The following ASB9 variants were observed in gnomAD, a reference collection of about 807,000 sequenced individuals.
ASB9 encodes the protein ankyrin repeat and SOCS box containing 9.
A neutral mutation model predicts 16.6 loss-of-function variants in ASB9; 5 were observed. The ratio of observed to expected loss-of-function variants is 0.30; its 90% CI spans 0.16 to 0.63. ASB9 has a LOEUF of 0.63. Ranked by LOEUF, ASB9 falls within the 30% of genes least tolerant of loss-of-function variation. The pLI is 0.82. For missense variants in ASB9, 216 were observed against 229.4 expected, an observed-to-expected ratio of 0.94 and a Z score of 0.38; for synonymous variants, 100 against 86.4, an observed-to-expected ratio of 1.16 and a Z score of -0.87.
chrX:15,244,948 A>C (rs1359625144), intron 6 of ASB9, among the ~76,000 whole-genome samples: 2 of 112,142 alleles, frequency 1.8e-5, no homozygotes, highest in African/African-American at 6.5e-5. Context: ...CAATAATACA[A>C]ATAAAATTTA....
At position 15,244,626 on chromosome X, in the gene ASB9, G is replaced by C. The variant is rs1443490993; in HGVS notation, c.765C>G (p.Pro255=). The change falls in exon 7 of 7, where the codon CCC becomes CCG. Residue 255 remains proline, a synonymous_variant. Transcript: ENST00000380488. ...LAQLFLEREG[P]PSLMQLCRLR... ...GGCGGCATAACTGCATCAAAGAAGG[G>C]GGCCCTGGAGAAAGATCATAAGACA... 4.2e-6 allele frequency: 5 copies of C among 1,200,947 alleles called. No homozygotes were observed. Among genetic ancestry groups the C allele is most frequent in the Non-Finnish European group, 5.6e-6 (5 of 889,809 alleles).
intron 6 of ASB9, among the ~76,000 whole-genome samples, chrX:15,246,075 A>T (rs1332418263): frequency 8.9e-6 from 1 of 111,829 alleles, no homozygotes; most frequent in Non-Finnish European, 1.9e-5. Context: ...AACCTCACTA[A>T]GGAATGTTGA....
At chrX:15,254,599 T>G in intron 3 of ASB9, 138 bp downstream of exon 3, 1 of 517,458 alleles carries the variant, frequency 1.9e-6, no homozygotes, top group Non-Finnish European at 3.4e-6. Flanking sequence ...ACAAGCCTGA[T>G]GAACATAATT....
upstream of ASB9, chrX:15,270,116 T>G: frequency 4.0e-6 from 1 of 247,508 alleles, no homozygotes; most frequent in Non-Finnish European, 6.8e-6. Context: ...ACACACGTTT[T>G]ACCTAACTGG....
At chrX:15,250,210 C>CATCATCA (rs758862010) in intron 5 of ASB9, among the ~76,000 whole-genome samples, 73 of 103,214 alleles carry the variant, frequency 7.1e-4, no homozygotes, top group African/African-American at 2.7e-3. Flanking sequence ...CATCATCATC[C>CATCATCA]TCCTCCTCCT....
Position 15,253,944 on chromosome X carries a change from C to T in ASB9, c.282+793G>A, listed in dbSNP as rs773946266. Among the ~76,000 whole-genome samples, 3 of 111,990 alleles carry T rather than the reference C, an allele frequency of 2.7e-5. No individual in the cohort carries two copies. The South Asian group carries it at 1.1e-3, about 42-fold the overall frequency. On this transcript the variant is annotated intron_variant, in intron 3 of 6. Transcript: ENST00000380488. ...TTAAGGACATATTCATTTTTGGAGT[C>T]ACACAAATAGTGCAGGACCCTGAGA...
At chrX:15,261,148 C>G (rs1925936645) in intron 1 of ASB9, among the ~76,000 whole-genome samples, 1 of 111,618 alleles carries the variant, frequency 9.0e-6, no homozygotes, top group South Asian at 3.8e-4. Flanking sequence ...GGCTTGGAAG[C>G]TAAAATTCGG....
chrX:15,256,709 C>T lies in ASB9; in HGVS notation c.175-1865G>A, dbSNP rs186155964. Among the ~76,000 whole-genome samples, 116 of 89,696 alleles carry T rather than the reference C, an allele frequency of 1.3e-3. 2 individuals are homozygous for T. The East Asian group carries it at 0.039, about 30-fold the overall frequency. The allele number at this position is 89,696 out of a possible 115,157, so 77.9% of individuals were successfully genotyped here. On this transcript the variant is annotated intron_variant, in intron 2 of 6. Coordinates refer to ENST00000380488, the MANE Select transcript of ASB9 (RefSeq NM_001031739.3). ...GGAGAATGGCGTGAACCCCAGGGGG[C>T]GGAGCCTGCAGTGAGCCGAGATGGC...
rs749749849 is a variant in ASB9, at chrX:15,244,722, T to C, written c.761-92A>G. ...AAAAAAAGCATCCAAGATAGAACAT[T>C]GTTATAAGGAAATAATATTGAACTA... On this transcript the variant is annotated intron_variant, in intron 6 of 6. Coordinates refer to ENST00000380488, the MANE Select transcript of ASB9 (RefSeq NM_001031739.3). 144 of 947,725 alleles carry C rather than the reference T, an allele frequency of 1.5e-4. No individual in the cohort carries two copies. The African/African-American group carries it at 2.2e-3, about 15-fold the overall frequency. 78.1% of individuals were successfully genotyped at this position (947,725 alleles called of 1,213,427 possible).
rs147980848 is a variant in ASB9, at chrX:15,251,743, C to A, written c.433+511G>T. On this transcript the variant is annotated intron_variant, in intron 4 of 6. Transcript: ENST00000380488. ...AAGAATTATCCCAAACTGTATGCAA[C>A]ATCAAATACTTTCAAAAATTGAAAG... is the stretch of plus-strand genomic sequence containing the variant. Among the ~76,000 whole-genome samples the A allele has an allele frequency of 3.9e-3, 435 of 112,575 alleles. 2 individuals carry two copies. Among genetic ancestry groups the A allele is most frequent in the African/African-American group, 0.012 (387 of 31,009 alleles).
intron 6 of ASB9, among the ~76,000 whole-genome samples, chrX:15,245,710 A>G (rs1485456100): frequency 9.0e-6 from 1 of 111,093 alleles, no homozygotes; most frequent in African/African-American, 3.3e-5. Context: ...GGATTTTCTA[A>G]AGGCATGTGC....
chrX:15,253,555 G>A (rs543473674), intron 3 of ASB9, among the ~76,000 whole-genome samples: 46 of 106,919 alleles, frequency 4.3e-4, no homozygotes, highest in Middle Eastern at 5.6e-3. Flanking sequence ...AGCTGAGTTC[G>A]TGCCACTGTA....
At chrX:15,267,900 A>G (rs1926660643) in intron 1 of ASB9, among the ~76,000 whole-genome samples, 1 of 111,123 alleles carries the variant, frequency 9.0e-6, no homozygotes, top group East Asian at 2.8e-4. Context: ...ACCATTGAGT[A>G]CTCTGCTCAT....
chrX:15,255,783 A>G (rs1296026364), intron 2 of ASB9, among the ~76,000 whole-genome samples: 1 of 112,137 alleles, frequency 8.9e-6, no homozygotes, highest in African/African-American at 3.2e-5. Context: ...ACTGCGAGGG[A>G]AAAGAAATAG....
chrX:15,261,730 G>T (rs1309993919), intron 1 of ASB9, among the ~76,000 whole-genome samples: 1 of 112,485 alleles, frequency 8.9e-6, no homozygotes, highest in African/African-American at 3.2e-5. Context: ...CCTGGTACAC[G>T]TAGTGAGGGG....
At chrX:15,267,417 A>ATAC (rs1555934601) in intron 1 of ASB9, among the ~76,000 whole-genome samples, 2 of 77,995 alleles carry the variant, frequency 2.6e-5, no homozygotes, top group Admixed American at 1.6e-4. Flanking sequence ...CTAAAAAAAA[A>ATAC]ATATATATAT....
chrX:15,264,808 C>T (rs1221262635), intron 1 of ASB9, among the ~76,000 whole-genome samples: 5 of 111,867 alleles, frequency 4.5e-5, no homozygotes, highest in African/African-American at 9.8e-5. Flanking sequence ...GCAAAGCAGA[C>T]GGAGAATGAC....
intron 3 of ASB9, among the ~76,000 whole-genome samples, chrX:15,253,708 G>A (rs1454790694): frequency 4.5e-5 from 5 of 112,227 alleles, no homozygotes; most frequent in East Asian, 2.8e-4. Flanking sequence ...CAGAAATTTC[G>A]AAGTTAATGT....
intron 4 of ASB9, among the ~76,000 whole-genome samples, chrX:15,251,148 C>A (rs1925088075): frequency 8.9e-6 from 1 of 112,370 alleles, no homozygotes; most frequent in African/African-American, 3.2e-5. Context: ...CCACCTTTTT[C>A]AATTGTCTGT....
Sources: gnomAD v4.1 joint callset for allele counts (sites outside exome capture counted in the v4.1 genomes callset) on GRCh38, gnomAD v4.1.1 for gene constraint, MANE v1.5 for transcripts, NCBI Gene and HGNC (gene_info 2026-07-23, HGNC 2026-07-21) for gene names.